The following C12orf54 variants were observed in gnomAD, a reference collection of about 807,000 sequenced individuals.
C12orf54 encodes chromosome 12 open reading frame 54, also known as uncharacterized protein C12orf54.
Under a neutral mutation model 26.4 loss-of-function variants are expected in C12orf54, and 24 were observed. The ratio of observed to expected loss-of-function variants is 0.91; its 90% CI spans 0.66 to 1.28. The LOEUF is 1.28. C12orf54 is among the 50% of genes most tolerant of loss of function. The pLI, the probability that C12orf54 is intolerant of heterozygous loss-of-function variation, is 0.00. For missense variants in C12orf54, 154 were observed against 150.9 expected (o/e 1.02, Z -0.11); for synonymous variants, 54 against 47.0 (o/e 1.15, Z -0.61).
At chr12:48,474,160 C>G in the C12orf54 span, among the ~76,000 whole-genome samples, 1 of 152,206 alleles carries the variant, frequency 6.6e-6, no homozygotes, top group Non-Finnish European at 1.5e-5. Flanking sequence ...ACTGTCCTAT[C>G]TTGTTCTGTA....
At chr12:48,447,004 C>G in the C12orf54 span, among the ~76,000 whole-genome samples, 130 of 152,220 alleles carry the variant, frequency 8.5e-4, no homozygotes, top group Middle Eastern at 3.4e-3. Flanking sequence ...TAAATTTTCT[C>G]TTAGTGCAAG....
the C12orf54 span, among the ~76,000 whole-genome samples, chr12:48,419,465 G>A: frequency 6.6e-6 from 1 of 152,176 alleles, no homozygotes; most frequent in Non-Finnish European, 1.5e-5. Context: ...AGACTTTGAT[G>A]TTACCCATTG....
the C12orf54 span, among the ~76,000 whole-genome samples, chr12:48,428,241 T>A: frequency 6.6e-6 from 1 of 151,040 alleles, no homozygotes; most frequent in Non-Finnish European, 1.5e-5. Context: ...AAACTGACAA[T>A]CTAAGGTCAC....
chr12:48,473,204 T>A, the C12orf54 span: 8 of 1,308,386 alleles, frequency 6.1e-6, no homozygotes, highest in South Asian at 9.6e-5. Flanking sequence ...AGGAGTATGA[T>A]GAAGATGCTC....
At chr12:48,451,162 T>C in the C12orf54 span, among the ~76,000 whole-genome samples, 1 of 152,198 alleles carries the variant, frequency 6.6e-6, no homozygotes, top group Non-Finnish European at 1.5e-5. Flanking sequence ...ATCCCTGACA[T>C]GCAAGTTTGG....
At chr12:48,421,916 T>C in the C12orf54 span, among the ~76,000 whole-genome samples, 1 of 152,130 alleles carries the variant, frequency 6.6e-6, no homozygotes, top group East Asian at 1.9e-4. Flanking sequence ...AATAAGTAAA[T>C]TGTATATATT....
chr12:48,457,524 G>A, the C12orf54 span, among the ~76,000 whole-genome samples: 1 of 151,986 alleles, frequency 6.6e-6, no homozygotes, highest in Non-Finnish European at 1.5e-5. Flanking sequence ...AGTAGAGACG[G>A]GTTTTCACCA....
At chr12:48,466,359 C>T in the C12orf54 span, among the ~76,000 whole-genome samples, 1 of 152,012 alleles carries the variant, frequency 6.6e-6, no homozygotes, top group Non-Finnish European at 1.5e-5. Flanking sequence ...TCCTGGCCCA[C>T]ATAGTGAAAC....
the C12orf54 span, among the ~76,000 whole-genome samples, chr12:48,468,077 C>T: frequency 1.3e-5 from 2 of 151,990 alleles, no homozygotes; most frequent in South Asian, 2.1e-4. Flanking sequence ...TAAATACAAT[C>T]GATAATGATT....
At chr12:48,473,560 G>A in the C12orf54 span, 1 of 320,872 alleles carries the variant, frequency 3.1e-6, no homozygotes, top group South Asian at 3.1e-5. Flanking sequence ...AGTGTACTGG[G>A]GGTTGTGAGG....
the C12orf54 span, among the ~76,000 whole-genome samples, chr12:48,461,165 C>T: frequency 6.6e-6 from 1 of 151,676 alleles, no homozygotes; most frequent in African/African-American, 2.4e-5. Context: ...AGAAAATTAC[C>T]AAGGCTAAAG....
intron 7 of C12orf54, 65 bp downstream of exon 7, chr12:48,493,060 C>T: frequency 7.0e-7 from 1 of 1,421,758 alleles, no homozygotes; most frequent in South Asian, 1.2e-5. Flanking sequence ...GGTGTGCTGG[C>T]CATGAATATA....
At chr12:48,439,385 A>T in the C12orf54 span, among the ~76,000 whole-genome samples, 2,986 of 152,306 alleles carry the variant, frequency 0.02, 38 homozygotes, top group Non-Finnish European at 0.027. Context: ...TGACCCAGTC[A>T]TCTCATTACT....
At chr12:48,490,757 G>T in intron 5 of C12orf54, 55 bp from the exon 6 acceptor site, 18 of 1,600,122 alleles carry the variant, frequency 1.1e-5, no homozygotes, top group Non-Finnish European at 1.5e-5. Flanking sequence ...ATACAGTGCA[G>T]GTCTGCAGGA....
the C12orf54 span, among the ~76,000 whole-genome samples, chr12:48,441,514 AT>A: frequency 6.6e-6 from 1 of 151,494 alleles, no homozygotes; most frequent in African/African-American, 2.4e-5. Flanking sequence ...CCATGTGCCC[AT>A]TTCTGGACCA....
chr12:48,465,004 C>T, the C12orf54 span, among the ~76,000 whole-genome samples: 27 of 151,844 alleles, frequency 1.8e-4, no homozygotes, highest in African/African-American at 5.6e-4. Context: ...ACATAGGAAC[C>T]GGGCAATGAT....
At chr12:48,481,689 CCTT>C (rs1330213832), upstream of C12orf54, among the ~76,000 whole-genome samples, 2 of 152,158 alleles carry the variant, frequency 1.3e-5, no homozygotes, top group Non-Finnish European at 2.9e-5. Flanking sequence ...TTAGCCCTCT[CCTT>C]CTCCACTCTG....
At chr12:48,463,829 G>A in the C12orf54 span, among the ~76,000 whole-genome samples, 1 of 151,716 alleles carries the variant, frequency 6.6e-6, no homozygotes, top group Non-Finnish European at 1.5e-5. Context: ...AAGACAAAAA[G>A]CACGTGATTA....
At chr12:48,490,748 T>C in intron 5 of C12orf54, 64 bp from the exon 6 acceptor site, 1 of 1,580,664 alleles carries the variant, frequency 6.3e-7, no homozygotes, top group Non-Finnish European at 8.7e-7. Context: ...CTATAGCTAA[T>C]ACAGTGCAGG....
Sources: gnomAD v4.1 joint callset for allele counts (sites outside exome capture counted in the v4.1 genomes callset) on GRCh38, gnomAD v4.1.1 for gene constraint, MANE v1.5 for transcripts, NCBI Gene and HGNC (gene_info 2026-07-23, HGNC 2026-07-21) for gene names.